The following RNF175 variants were observed in gnomAD, a reference collection of about 807,000 sequenced individuals.
RNF175 encodes the protein ring finger protein 175.
A neutral mutation model predicts 50.0 loss-of-function variants in RNF175; 38 were observed. The ratio of observed to expected loss-of-function variants is 0.76; its 90% confidence interval spans 0.59 to 1.00. The LOEUF (loss-of-function observed/expected upper bound fraction) is 1.00. Ranked by LOEUF, RNF175 falls within the 50% of genes least tolerant of loss-of-function variation. RNF175 has a pLI of 0.00. For missense variants in RNF175, 388 were observed against 409.6 expected (o/e 0.95, Z 0.46); for synonymous variants, 155 against 146.1 (o/e 1.06, Z -0.44).
chr4:153,735,740 GTATT>G (rs1001368387), intron 3 of RNF175, among the ~76,000 whole-genome samples: 8 of 145,348 alleles, frequency 5.5e-5, no homozygotes, highest in African/African-American at 1.9e-4. Context: ...TTATGACTAA[GTATT>G]TATTTTTTTT....
chr4:153,717,704 T>C (rs1159960936), intron 6 of RNF175, among the ~76,000 whole-genome samples: 2 of 152,218 alleles, frequency 1.3e-5, no homozygotes, highest in Non-Finnish European at 1.5e-5. Context: ...ACAGTGCTTA[T>C]GACACAGTTT....
At chr4:153,750,789 C>T (rs1740249788) in intron 2 of RNF175, among the ~76,000 whole-genome samples, 1 of 151,768 alleles carries the variant, frequency 6.6e-6, no homozygotes, top group Non-Finnish European at 1.5e-5. Flanking sequence ...ATATAATTAA[C>T]AGACTTTGAA....
At chr4:153,738,107 T>G (rs1327779672) in intron 3 of RNF175, among the ~76,000 whole-genome samples, 4 of 152,174 alleles carry the variant, frequency 2.6e-5, no homozygotes, top group Non-Finnish European at 4.4e-5. Context: ...TGGAGTGCAG[T>G]GGAGAGATCA....
intron 5 of RNF175, 86 bp from the exon 6 acceptor site, chr4:153,720,390 T>A: frequency 9.1e-7 from 1 of 1,103,468 alleles, no homozygotes; most frequent in East Asian, 2.4e-5. Context: ...GTTGATGGTA[T>A]CTAAGAGAAC....
chr4:153,734,008 T>C (rs1376088207), intron 3 of RNF175, among the ~76,000 whole-genome samples: 1 of 152,210 alleles, frequency 6.6e-6, no homozygotes, highest in African/African-American at 2.4e-5. Flanking sequence ...TTCACCAAAG[T>C]TCATCCATGT....
At chr4:153,714,451 T>G (rs1281710807) in intron 7 of RNF175, 1 of 152,186 alleles carries the variant, frequency 6.6e-6, no homozygotes, top group African/African-American at 2.4e-5. Flanking sequence ...TAAACAGAAT[T>G]GAATCATAGG....
chr4:153,748,838 T>G, intron 2 of RNF175, 52 bp from the exon 3 acceptor site: 1 of 1,377,410 alleles, frequency 7.3e-7, no homozygotes, highest in Non-Finnish European at 9.8e-7. Flanking sequence ...CTTGCGCATT[T>G]AGCAAAAAAA....
At chr4:153,753,361 G>C (rs980641308) in intron 1 of RNF175, among the ~76,000 whole-genome samples, 11 of 152,264 alleles carry the variant, frequency 7.2e-5, no homozygotes, top group Middle Eastern at 3.4e-3. Context: ...CAGGCCAAGA[G>C]GCACCAGGCA....
At chr4:153,745,275 T>C (rs1377559652) in intron 3 of RNF175, among the ~76,000 whole-genome samples, 1 of 152,212 alleles carries the variant, frequency 6.6e-6, no homozygotes, top group Non-Finnish European at 1.5e-5. Context: ...TGGGTCCCTA[T>C]TGAATCGGAA....
intron 3 of RNF175, among the ~76,000 whole-genome samples, chr4:153,745,168 T>G (rs147774686): frequency 6.6e-6 from 1 of 152,322 alleles, no homozygotes; most frequent in African/African-American, 2.4e-5. Context: ...TTAGTCCATA[T>G]TTGAATCTAA....
chr4:153,743,361 T>A (rs544156352), intron 3 of RNF175, among the ~76,000 whole-genome samples: 2 of 152,210 alleles, frequency 1.3e-5, no homozygotes, highest in African/African-American at 4.8e-5. Flanking sequence ...ACAGATTGAG[T>A]AGCCCCTCAA....
chr4:153,716,867 A>C (rs1737964813), intron 6 of RNF175, among the ~76,000 whole-genome samples: 1 of 152,214 alleles, frequency 6.6e-6, no homozygotes, highest in Non-Finnish European at 1.5e-5. Context: ...TAGAATATTA[A>C]GGATAATCTC....
At chr4:153,726,150 G>T (rs1239057284) in intron 4 of RNF175, among the ~76,000 whole-genome samples, 3 of 152,036 alleles carry the variant, frequency 2.0e-5, no homozygotes, top group African/African-American at 7.3e-5. Flanking sequence ...CTGTTGCCCA[G>T]GCTGGAGTGC....
rs771874097 is a variant in RNF175, at chr4:153,720,223, A to C, written c.591T>G (p.Phe197Leu). 1 of 1,612,928 alleles carries C rather than the reference A, an allele frequency of 6.2e-7. No homozygotes were observed. Among genetic ancestry groups the C allele is most frequent in the South Asian group, 1.1e-5 (1 of 91,010 alleles). ...CCATGTAGTCTGAGCAGATCTCGGC[A>C]AAGTCTCTCCCCATTACTCCATAGT... The part of the protein sequence containing the change: ...GLYYGVMGRD[F>L]AEICSDYMAS... Residue 197 changes from phenylalanine (F) to leucine (L), a missense_variant, in exon 6 of 9, where the codon TTT becomes TTG. Physicochemically the swap from Phe to Leu is conservative, Grantham distance 22. Coordinates refer to ENST00000347063, the MANE Select transcript of RNF175 (RefSeq NM_173662.4).
intron 7 of RNF175, 99 bp downstream of exon 7, chr4:153,715,430 G>A (rs1263907940): frequency 8.3e-7 from 1 of 1,210,374 alleles, no homozygotes; most frequent in East Asian, 2.5e-5. Context: ...GGCATGGAAG[G>A]TAAGCAAGAT....
At chr4:153,733,939 A>C (rs181573801) in intron 3 of RNF175, among the ~76,000 whole-genome samples, 1 of 152,236 alleles carries the variant, frequency 6.6e-6, no homozygotes, top group Non-Finnish European at 1.5e-5. Context: ...AGAATGTCAT[A>C]TAATTGAAAC....
chr4:153,745,346 C>G (rs780381651), intron 3 of RNF175, among the ~76,000 whole-genome samples: 6 of 152,268 alleles, frequency 3.9e-5, no homozygotes, highest in South Asian at 2.1e-4. Flanking sequence ...TCTGATGCAC[C>G]CTGCTCTAAC....
At chr4:153,754,622 A>G (rs1004267312) in intron 1 of RNF175, among the ~76,000 whole-genome samples, 3 of 152,228 alleles carry the variant, frequency 2.0e-5, no homozygotes, top group African/African-American at 7.2e-5. Flanking sequence ...GTATTTGCAG[A>G]TGTAATTGAG....
chr4:153,729,979 C>A (rs1277808436), intron 3 of RNF175, among the ~76,000 whole-genome samples: 2 of 152,118 alleles, frequency 1.3e-5, no homozygotes. Flanking sequence ...TGAGTTAGCA[C>A]CTTTATGTAA....
Sources: gnomAD v4.1 joint callset for allele counts (sites outside exome capture counted in the v4.1 genomes callset) on GRCh38, gnomAD v4.1.1 for gene constraint, MANE v1.5 for transcripts, NCBI Gene and HGNC (gene_info 2026-07-23, HGNC 2026-07-21) for gene names.